LUZP1: variants seen among roughly 807,000 people sequenced by gnomAD.
The protein encoded by LUZP1 is filamin mechanobinding actin cross-linking protein.
Under a neutral mutation model 71.3 loss-of-function variants are expected in LUZP1, and 25 were observed. The observed-to-expected ratio is 0.35, with a 90% CI of 0.26 to 0.49. LUZP1 has a LOEUF of 0.49. Ranked by LOEUF, LUZP1 falls within the 20% of genes least tolerant of loss-of-function variation. The pLI is 0.99. For missense variants in LUZP1, 1,142 were observed against 1,300.8 expected, an observed-to-expected ratio of 0.88 and a Z score of 1.88; for synonymous variants, 481 against 506.4, an observed-to-expected ratio of 0.95 and a Z score of 0.67.
rs147043620 is a variant in LUZP1, at chr1:23,142,686, A to AAT, written c.-226+26078_-226+26079dup. On this transcript the variant is annotated intron_variant, in intron 2 of 4. Transcript: ENST00000302291. ...CATCCAATAAATGGTGGGTGCATAA[A>AAT]ATATATATATATATACACACACACA... Among the ~76,000 whole-genome samples, 514 of 117,570 alleles carry AAT rather than the reference A, an allele frequency of 4.4e-3. 1 individual carries two copies. Among genetic ancestry groups the AAT allele is most frequent in the Middle Eastern group, 8.1e-3 (2 of 246 alleles). 77.1% of individuals were successfully genotyped at this position (117,570 alleles called of 152,430 possible).
intron 2 of LUZP1, among the ~76,000 whole-genome samples, chr1:23,116,525 G>A (rs1404314479): frequency 6.8e-6 from 1 of 147,438 alleles, no homozygotes; most frequent in Non-Finnish European, 1.5e-5. Context: ...ATAAATAAAT[G>A]AATGAAAGAA....
intron 3 of LUZP1, among the ~76,000 whole-genome samples, chr1:23,099,191 A>AT (rs1407501676): frequency 6.6e-6 from 1 of 152,240 alleles, no homozygotes; most frequent in Non-Finnish European, 1.5e-5. Context: ...AAACTCTTGC[A>AT]TTTGGCCTTC....
At position 23,163,555 on chromosome 1, in the gene LUZP1, T is replaced by TAA. The variant is rs57231452; in HGVS notation, c.-226+5209_-226+5210dup. Reference sequence around the variant, plus strand: ...AGAGAAAGAGTGAGATCCCGTCTCTTAAAAAAAAAAAAAAAAAAAATGCTG... The same window carrying TAA: ...AGAGAAAGAGTGAGATCCCGTCTCTTAAAAAAAAAAAAAAAAAAAAAATGCTG... On this transcript the variant is annotated intron_variant, in intron 2 of 4. Transcript: ENST00000302291. Among the ~76,000 whole-genome samples, 1,060 of 119,148 alleles carry TAA rather than the reference T, an allele frequency of 8.9e-3. 22 individuals carry two copies. The highest frequency in any genetic ancestry group is 0.028 in the African/African-American group (877 of 31,030). The allele number at this position is 119,148 out of a possible 152,430, so 78.2% of individuals were successfully genotyped here.
chr1:23,157,202 C>G (rs145847661), intron 2 of LUZP1, among the ~76,000 whole-genome samples: 1 of 152,096 alleles, frequency 6.6e-6, no homozygotes, highest in Non-Finnish European at 1.5e-5. Flanking sequence ...TGTGGTAGTG[C>G]GTGCCTATAG....
intron 4 of LUZP1, 92 bp from the exon 4 acceptor site, chr1:23,089,145 C>A (rs1643814636): frequency 7.9e-7 from 1 of 1,261,882 alleles, no homozygotes; most frequent in South Asian, 1.3e-5. Context: ...TCCTTTCCAA[C>A]CCAGCAGAGG....
chr1:23,141,773 G>A (rs1322977393), intron 2 of LUZP1, among the ~76,000 whole-genome samples: 1 of 152,088 alleles, frequency 6.6e-6, no homozygotes, highest in African/African-American at 2.4e-5. Context: ...TTGACCTCCT[G>A]GGCTCAAGCG....
chr1:23,119,966 G>C (rs1389581445), intron 2 of LUZP1, among the ~76,000 whole-genome samples: 1 of 151,144 alleles, frequency 6.6e-6, no homozygotes, highest in Non-Finnish European at 1.5e-5. Context: ...TTTAAAGACA[G>C]AGTCGTGCTC....
intron 4 of LUZP1, chr1:23,090,913 G>A (rs1257740625): frequency 2.8e-6 from 2 of 718,180 alleles, no homozygotes; most frequent in Non-Finnish European, 5.2e-6. Context: ...CAAACCAAGG[G>A]AAGAGAAGAC....
intron 2 of LUZP1, among the ~76,000 whole-genome samples, chr1:23,164,464 C>T (rs1644494519): frequency 6.6e-6 from 1 of 151,740 alleles, no homozygotes. Flanking sequence ...TGCACTTCAG[C>T]CTGGGTGACA....
intron 2 of LUZP1, among the ~76,000 whole-genome samples, chr1:23,115,727 G>A (rs1229131231): frequency 2.6e-5 from 4 of 152,030 alleles, no homozygotes; most frequent in Non-Finnish European, 5.9e-5. Flanking sequence ...TTTTAGTAGA[G>A]ATGGGGTTTC....
At chr1:23,104,430 A>G (rs180671011) in intron 3 of LUZP1, among the ~76,000 whole-genome samples, 11 of 151,882 alleles carry the variant, frequency 7.2e-5, no homozygotes, top group Admixed American at 6.5e-4. Context: ...GTGATCCACA[A>G]GCCTCGGCCT....
intron 2 of LUZP1, among the ~76,000 whole-genome samples, chr1:23,130,534 T>A (rs1026139708): frequency 6.7e-6 from 1 of 149,942 alleles, no homozygotes; most frequent in African/African-American, 2.4e-5. Context: ...TCTTTTTTTT[T>A]TTTTTTTTTT....
chr1:23,145,245 A>G (rs946712312), intron 2 of LUZP1, among the ~76,000 whole-genome samples: 7 of 152,046 alleles, frequency 4.6e-5, no homozygotes, highest in African/African-American at 1.7e-4. Flanking sequence ...AAGTTTCTTC[A>G]TGGATTTCTT....
intron 3 of LUZP1, among the ~76,000 whole-genome samples, chr1:23,106,400 T>C (rs1643981552): frequency 6.6e-6 from 1 of 151,040 alleles, no homozygotes; most frequent in African/African-American, 2.4e-5. Flanking sequence ...AGCCCAGGAG[T>C]TCAAGACCAG....
chr1:23,138,264 G>A (rs553250404), intron 2 of LUZP1, among the ~76,000 whole-genome samples: 22 of 151,988 alleles, frequency 1.4e-4, no homozygotes, highest in Non-Finnish European at 2.8e-4. Context: ...GTGAGCCACC[G>A]CACCCGACCA....
chr1:23,107,617 A>G (rs1225328331), intron 3 of LUZP1, among the ~76,000 whole-genome samples: 1 of 152,156 alleles, frequency 6.6e-6, no homozygotes, highest in East Asian at 1.9e-4. Flanking sequence ...CCTGGCCAAC[A>G]TGGTGAAACC....
chr1:23,118,807 G>A (rs1189169733), intron 2 of LUZP1, among the ~76,000 whole-genome samples: 1 of 152,098 alleles, frequency 6.6e-6, no homozygotes, highest in Admixed American at 6.5e-5. Context: ...ATTTTTGCAA[G>A]GTTCCTCAAA....
intron 2 of LUZP1, among the ~76,000 whole-genome samples, chr1:23,129,834 G>A (rs963067854): frequency 3.9e-5 from 6 of 152,084 alleles, no homozygotes; most frequent in Non-Finnish European, 8.8e-5. Flanking sequence ...CGTACCATGT[G>A]CCAGAATCAC....
At chr1:23,083,823 T>C (rs1195825040), downstream of LUZP1, 1 of 153,068 alleles carries the variant, frequency 6.5e-6, no homozygotes, top group Non-Finnish European at 1.5e-5. Context: ...AAGATGTTCA[T>C]ATAAAAGAGA....
Sources: allele counts gnomAD v4.1 joint callset (sites outside exome capture counted in the v4.1 genomes callset), GRCh38; gene constraint gnomAD v4.1.1; transcripts MANE v1.5; gene names NCBI Gene and HGNC (gene_info 2026-07-23, HGNC 2026-07-21).